The following APOB variants were observed in gnomAD, a reference collection of about 807,000 sequenced individuals.
APOB encodes the protein apolipoprotein B-100.
In APOB, 153 loss-of-function variants were observed where a neutral mutation model predicts 314.1. That is an observed-to-expected ratio of 0.49 (90% CI 0.43 to 0.56). The LOEUF (loss-of-function observed/expected upper bound fraction) is 0.56. Among genes scored for constraint, APOB ranks in the 20% least tolerant of loss-of-function variants. APOB has a pLI of 0.00. For synonymous variants in APOB, 2,087 were observed against 2,036.4 expected (o/e 1.02, Z -0.67); for missense variants, 5,430 against 5,350.7 (o/e 1.01, Z -0.46).
intron 19 of APOB, 51 bp downstream of exon 19, chr2:21,019,672 C>T: frequency 1.3e-6 from 2 of 1,572,140 alleles, no homozygotes; most frequent in African/African-American, 1.3e-5. Context: ...GCTAGGTGGC[C>T]ATGATGTGGA....
intron 3 of APOB, among the ~76,000 whole-genome samples, chr2:21,041,854 TCC>T (rs1664139853): frequency 6.6e-6 from 1 of 152,204 alleles, no homozygotes; most frequent in Non-Finnish European, 1.5e-5. Context: ...GTAGATCTGC[TCC>T]ACATGTATGT....
rs577783818 is a variant in APOB, at chr2:21,028,200, A to G, written c.1829+127T>C. The G allele has an allele frequency of 1.6e-5, 18 of 1,129,342 alleles. No homozygotes were observed. The East Asian group carries it at 3.8e-4, about 24-fold the overall frequency. The allele number at this position is 1,129,342 out of a possible 1,614,324, so 70.0% of individuals were successfully genotyped here. A position where few individuals can be genotyped will look rare whatever the true frequency, so the allele number is the denominator to read the frequency against. ...ATTGACCCTAAGTCTTTGGGTCTAG[A>G]TCTGCTACACATTTGCACAAGTGTT... On this transcript the variant is annotated intron_variant, in intron 13 of 28. Transcript: ENST00000233242.
In APOB at chr2:21,032,404, C is replaced by A. The variant is rs1484695395; in HGVS notation, c.1302G>T (p.Arg434Ser). ...ACAAGGTGGCTCGGCTGCGCTGATCCCTCGCCATGTTGAAGATCTCTCGCA... is the reference window on the plus strand; with the variant it reads ...ACAAGGTGGCTCGGCTGCGCTGATCACTCGCCATGTTGAAGATCTCTCGCA... ...QQLREIFNMARDQRSRATLYA... is the reference protein window; with the variant it reads ...QQLREIFNMASDQRSRATLYA... Residue 434 changes from arginine to serine, a missense_variant, in exon 10 of 29, where the codon AGG (arginine) becomes AGT (serine). Transcript: ENST00000233242. 8 of 1,613,918 alleles carry A rather than the reference C, an allele frequency of 5.0e-6. No individual in the cohort carries two copies. The highest frequency in any genetic ancestry group is 1.6e-4 in the Middle Eastern group (1 of 6,084).
chr2:21,005,312 C>T lies in APOB; in HGVS notation c.11556G>A (p.Leu3852=), dbSNP rs765721952. 1.9e-6 allele frequency: 3 copies of T among 1,614,030 alleles called. No individual in the cohort carries two copies. Among genetic ancestry groups the T allele is most frequent in the South Asian group, 1.1e-5 (1 of 91,072 alleles). ...TCTGCTCAGGCACGATGATGGTGGG[C>T]AACTCAAAGTCTGCGATCTTGTTGG... ...AVANKIADFE[L]PTIIVPEQTI... Residue 3852 remains leucine (L), a synonymous_variant, in exon 26 of 29, where the codon TTG becomes TTA. Coordinates refer to ENST00000233242, the MANE Select transcript of APOB (RefSeq NM_000384.3).
chr2:21,014,966 A>C, intron 23 of APOB, 107 bp downstream of exon 23: 1 of 1,194,266 alleles, frequency 8.4e-7, no homozygotes, highest in South Asian at 1.2e-5. Context: ...GGGGGGAAGG[A>C]AGCATGCCTT....
Position 21,004,470 on chromosome 2 carries a change from G to C in APOB, c.11904-18C>G. Reference sequence around the variant, plus strand: ...CCCATTCCCTGAAAGCAGAAAAACAGATGAGCTATCACGAAAGGGGTATGG... The same window carrying C: ...CCCATTCCCTGAAAGCAGAAAAACACATGAGCTATCACGAAAGGGGTATGG... On this transcript the variant is annotated intron_variant, in intron 27 of 28. Transcript: ENST00000233242. 6.2e-7 allele frequency: 1 copy of C among 1,613,966 alleles called. No homozygotes were observed. The highest frequency in any genetic ancestry group is 1.7e-5 in the Admixed American group (1 of 60,004).
In APOB at chr2:21,006,045, C is replaced by A; in HGVS notation, c.10823G>T (p.Ser3608Ile). 2 of 1,613,998 alleles carry A rather than the reference C, an allele frequency of 1.2e-6. No homozygotes were observed. Among genetic ancestry groups the A allele is most frequent in the Non-Finnish European group, 1.7e-6 (2 of 1,179,958 alleles). ...AAGGTCAGGGAAATCATGGAAGGAA[C>A]TGGGCTGACTTGCATGGACCTGAAC... Reference protein sequence around the residue: ...ALVQVHASQPSSFHDFPDLGQ... With the variant: ...ALVQVHASQPISFHDFPDLGQ... The change falls in exon 26 of 29, where the codon AGT becomes ATT. Residue 3608 changes from serine (S) to isoleucine (I), a missense_variant. Around this residue, in one of 3 missense-constraint regions of APOB, gnomAD observed 3,281 missense variants for 3,171.0 expected, o/e 1.03. Coordinates refer to ENST00000233242, the MANE Select transcript of APOB (RefSeq NM_000384.3).
Position 21,010,793 on chromosome 2 carries a change from T to C in APOB, c.6075A>G (p.Lys2025=). 6.2e-7 allele frequency: 1 copy of C among 1,614,174 alleles called. No homozygotes were observed. The highest frequency in any genetic ancestry group is 8.5e-7 in the Non-Finnish European group (1 of 1,180,016). Residue 2025 remains lysine, a synonymous_variant, in exon 26 of 29, where the codon AAA becomes AAG. Transcript: ENST00000233242. The part of the protein sequence containing the change: ...ADLTLLDSPI[K]VPLLLSEPIN... ...TGGGCTCACTGAGTAAAAGTGGCACTTTAATTGGGGAGTCTAGTAGAGTTA... is the reference window on the plus strand; with the variant it reads ...TGGGCTCACTGAGTAAAAGTGGCACCTTAATTGGGGAGTCTAGTAGAGTTA...
chr2:21,037,328 T>G (rs1664029852), intron 5 of APOB, 73 bp from the exon 6 acceptor site: 1 of 1,418,442 alleles, frequency 7.0e-7, no homozygotes, highest in East Asian at 2.3e-5. Context: ...AGGGATGGGG[T>G]GGGGATCGTG....
rs780019788 is a variant in APOB, at chr2:21,008,274, T to C, written c.8594A>G (p.Asn2865Ser). ...NTVASLHTEK[N>S]TLELSNGVIV... ...CACTCCATTACTAAGCTCCAGTGTA[T>C]TTTTTTCTGTGTGTAAACTTGCCAC... The change falls in exon 26 of 29, where the codon AAT becomes AGT. Residue 2865 changes from asparagine to serine, a missense_variant. Physicochemically the swap from Asn to Ser is conservative, Grantham distance 46 (BLOSUM62 1). Coordinates refer to ENST00000233242, the MANE Select transcript of APOB (RefSeq NM_000384.3). The C allele has an allele frequency of 2.5e-6, 4 of 1,613,724 alleles. No individual in the cohort carries two copies. In the African/African-American group the frequency reaches 5.3e-5, roughly 22 times the overall value.
intron 4 of APOB, 137 bp downstream of exon 4, chr2:21,040,801 A>G: frequency 1.0e-6 from 1 of 960,468 alleles, no homozygotes; most frequent in Admixed American, 2.2e-5. Context: ...ATGATTGTGA[A>G]AACTCAGTAA....
In APOB at chr2:21,014,520, C is replaced by A. The variant is rs764395626; in HGVS notation, c.3770G>T (p.Ser1257Ile). The A allele has an allele frequency of 1.2e-6, 2 of 1,614,084 alleles. No homozygotes were observed. Among genetic ancestry groups the A allele is most frequent in the Non-Finnish European group, 1.7e-6 (2 of 1,180,002 alleles). ...YTQTLQDHLN[S>I]LKEFNLQNMG... ...GTTCTGGAGGTTGAACTCCTTCAGG[C>A]TATTGAGGTGGTCTTGCAAAGTCTG... Residue 1257 changes from serine to isoleucine, a missense_variant, in exon 24 of 29, where the codon AGC becomes ATC. Physicochemically the swap from Ser to Ile is moderately radical, Grantham distance 142. Transcript: ENST00000233242.
intron 4 of APOB, among the ~76,000 whole-genome samples, chr2:21,038,725 C>A (rs1383777434): frequency 6.6e-6 from 1 of 152,212 alleles, no homozygotes; most frequent in Non-Finnish European, 1.5e-5. Flanking sequence ...ATACGGACAC[C>A]CGAGTGGTTG....
chr2:21,005,714 T>C lies in APOB; in HGVS notation c.11154A>G (p.Ser3718=). 1.2e-6 allele frequency: 2 copies of C among 1,613,936 alleles called. No homozygotes were observed. The highest frequency in any genetic ancestry group is 8.5e-7 in the Non-Finnish European group (1 of 1,179,958). ...FVYTKNPNGY[S]FSIPVKVLAD... ...CCAAAACTTTTACAGGGATGGAGAA[T>C]GAATAGCCATTGGGGTTTTTGGTGT... Residue 3718 remains serine, a synonymous_variant, in exon 26 of 29, where the codon TCA becomes TCG. Coordinates refer to ENST00000233242, the MANE Select transcript of APOB (RefSeq NM_000384.3).
rs565184018 is a variant in APOB, at chr2:21,006,055, T to C, written c.10813A>G (p.Ser3605Gly). Residue 3605 changes from serine (S) to glycine (G), a missense_variant, in exon 26 of 29, where the codon AGT (serine) becomes GGT (glycine). Transcript: ENST00000233242. ...QMSALVQVHA[S>G]QPSSFHDFPD... Reference sequence around the variant, plus strand: ...AAATCATGGAAGGAACTGGGCTGACTTGCATGGACCTGAACAAGAGCTGAC... The same window carrying C: ...AAATCATGGAAGGAACTGGGCTGACCTGCATGGACCTGAACAAGAGCTGAC... 3 of 1,614,048 alleles carry C rather than the reference T, an allele frequency of 1.9e-6. No homozygotes were observed. The African/African-American group carries it at 4.0e-5, about 22-fold the overall frequency.
rs758395391 is a variant in APOB at position 21,037,304 on chromosome 2, C to T, written c.538-49G>A. ...ACATGTATTCAACACGGGCAACATCCTTGGGTACTTGGGAGGGATGGGGTG... is the reference window on the plus strand; with the variant it reads ...ACATGTATTCAACACGGGCAACATCTTTGGGTACTTGGGAGGGATGGGGTG... On this transcript the variant is annotated intron_variant, in intron 5 of 28. Coordinates refer to ENST00000233242, the MANE Select transcript of APOB (RefSeq NM_000384.3). 20 of 1,568,542 alleles carry T rather than the reference C, an allele frequency of 1.3e-5. No individual in the cohort carries two copies. In the South Asian group the frequency reaches 2.2e-4, roughly 18 times the overall value.
Position 21,001,462 on chromosome 2 carries a change from C to T in APOB, c.*268G>A, listed in dbSNP as rs1662974725. ...ACAATAAAGACTCCATTTATTTGTT[C>T]CTCCTCCCCCAAGTTTAGCAAAATA... On this transcript the variant is annotated 3_prime_UTR_variant, in exon 29 of 29. Transcript: ENST00000233242. The T allele has an allele frequency of 4.6e-6, 2 of 432,600 alleles. No homozygotes were observed. The highest frequency in any genetic ancestry group is 8.3e-6 in the Non-Finnish European group (2 of 241,176). The allele number at this position is 432,600 out of a possible 1,614,324, so 26.8% of individuals were successfully genotyped here. A position where few individuals can be genotyped will look rare whatever the true frequency, so the allele number is the denominator to read the frequency against.
chr2:21,040,814 C>T, intron 4 of APOB, 124 bp downstream of exon 4: 1 of 1,121,458 alleles, frequency 8.9e-7, no homozygotes, highest in Admixed American at 1.9e-5. Flanking sequence ...CTCAGTAATT[C>T]CCTGATCCAC....
Position 21,005,370 on chromosome 2 carries a change from T to A in APOB, c.11498A>T (p.Asp3833Val), listed in dbSNP as rs754620576. 1.1e-5 allele frequency: 18 copies of A among 1,613,954 alleles called. 1 individual carries two copies. In the South Asian group the frequency reaches 2.0e-4, roughly 18 times the overall value. ...ATTTAGATCCAAAGCAGCAATGCCA[T>A]CTGAAACACTTTTTGGAAGCGTGAA... Reference protein sequence around the residue: ...SQFTLPKSVSDGIAALDLNAV... With the variant: ...SQFTLPKSVSVGIAALDLNAV... The change falls in exon 26 of 29, where the codon GAT becomes GTT. Residue 3833 changes from aspartate (D) to valine (V), a missense_variant. Transcript: ENST00000233242.
Sources: gnomAD v4.1 joint callset for allele counts (sites outside exome capture counted in the v4.1 genomes callset) on GRCh38, gnomAD v4.1.1 for gene constraint, gnomAD v4.1.1 regional missense constraint, MANE v1.5 for transcripts, NCBI Gene and HGNC (gene_info 2026-07-23, HGNC 2026-07-21) for gene names.